Variants in GPD1L observed in about 807,000 individuals in gnomAD.
GPD1L encodes the protein glycerol-3-phosphate dehydrogenase 1 like.
A neutral mutation model predicts 32.9 loss-of-function variants in GPD1L; 17 were observed. The observed-to-expected ratio is 0.52, with a 90% CI of 0.35 to 0.78. GPD1L has a LOEUF of 0.78. GPD1L is among the 30% of genes least tolerant of loss of function. GPD1L has a pLI of 0.01. For synonymous variants in GPD1L, 187 were observed against 165.9 expected (o/e 1.13, Z -0.98); for missense variants, 361 against 447.8 (o/e 0.81, Z 1.75).
At chr3:32,146,409 C>T (rs1700826568) in intron 4 of GPD1L, among the ~76,000 whole-genome samples, 1 of 152,136 alleles carries the variant, frequency 6.6e-6, no homozygotes. Flanking sequence ...GATTCACATT[C>T]GGTCAGTTAA....
chr3:32,137,706 G>A (rs1169810122), intron 2 of GPD1L, among the ~76,000 whole-genome samples: 2 of 152,184 alleles, frequency 1.3e-5, no homozygotes, highest in African/African-American at 4.8e-5. Context: ...CCTGGAGTCC[G>A]CACGGCATGC....
At chr3:32,122,303 G>A (rs902301105) in intron 1 of GPD1L, among the ~76,000 whole-genome samples, 1 of 152,128 alleles carries the variant, frequency 6.6e-6, no homozygotes, top group Non-Finnish European at 1.5e-5. Context: ...CTCAGATCTG[G>A]GTTTGAATTG....
rs11707908 is a variant in GPD1L at position 32,167,382 on chromosome 3, C to T, written c.*1472C>T. 11,580 of 152,502 alleles carry T rather than the reference C, an allele frequency of 0.076. 759 individuals are homozygous for T. Among genetic ancestry groups the T allele is most frequent in the East Asian group, 0.35 (1,807 of 5,138 alleles). The allele number at this position is 152,502 out of a possible 1,614,324, so 9.4% of individuals were successfully genotyped here. The stretch of plus-strand genomic sequence containing the variant: ...GAACACTGTTCTAGGCTTAGGTGAC[C>T]TTAGGATCACTCAAGTAGACCCTTC... On this transcript the variant is annotated 3_prime_UTR_variant, in exon 8 of 8. Coordinates refer to ENST00000282541, the MANE Select transcript of GPD1L (RefSeq NM_015141.4).
chr3:32,115,459 CA>C (rs1700315189), intron 1 of GPD1L, among the ~76,000 whole-genome samples: 1 of 152,248 alleles, frequency 6.6e-6, no homozygotes, highest in Non-Finnish European at 1.5e-5. Context: ...CTCTCATTAT[CA>C]TTACAGCCAG....
chr3:32,128,280 T>C, intron 2 of GPD1L, 27 bp downstream of exon 2: 8 of 1,577,884 alleles, frequency 5.1e-6, no homozygotes, highest in Non-Finnish European at 7.0e-6. Context: ...AAATGTACAT[T>C]GGTTCATTCT....
intron 1 of GPD1L, among the ~76,000 whole-genome samples, chr3:32,114,561 A>G (rs1312948674): frequency 2.6e-5 from 4 of 152,206 alleles, no homozygotes; most frequent in Non-Finnish European, 5.9e-5. Context: ...TTCTCCTTAT[A>G]TTTATTTTGT....
At chr3:32,139,093 A>G (rs1031510591) in intron 3 of GPD1L, among the ~76,000 whole-genome samples, 3 of 152,214 alleles carry the variant, frequency 2.0e-5, no homozygotes, top group Non-Finnish European at 4.4e-5. Context: ...GTTTTTAACC[A>G]GAACTCCATG....
chr3:32,119,799 C>T (rs938608035), intron 1 of GPD1L, among the ~76,000 whole-genome samples: 11 of 152,044 alleles, frequency 7.2e-5, no homozygotes, highest in Non-Finnish European at 5.9e-5. Flanking sequence ...GGAACCAGCC[C>T]GGGTCAGCTC....
At chr3:32,141,352 A>G (rs1390975343) in intron 4 of GPD1L, among the ~76,000 whole-genome samples, 7 of 152,322 alleles carry the variant, frequency 4.6e-5, no homozygotes, top group African/African-American at 1.2e-4. Flanking sequence ...AAAGAAAGCC[A>G]TTTTAAATTT....
chr3:32,151,332 C>A (rs901992572), intron 5 of GPD1L: 11 of 668,658 alleles, frequency 1.6e-5, no homozygotes, highest in African/African-American at 1.6e-4. Flanking sequence ...TTGTTTACCA[C>A]AATGCCAGCA....
At chr3:32,159,139 C>T (rs749153129) in intron 6 of GPD1L, 30 bp downstream of exon 6, 72 of 1,532,364 alleles carry the variant, frequency 4.7e-5, no homozygotes, top group Admixed American at 2.0e-4. Flanking sequence ...CCCGCACCCC[C>T]TCCTTCCTCA....
intron 7 of GPD1L, among the ~76,000 whole-genome samples, chr3:32,160,607 T>G (rs1320689856): frequency 7.2e-6 from 1 of 138,486 alleles, no homozygotes; most frequent in African/African-American, 2.8e-5. Context: ...AATGGATGGG[T>G]GCATGGATAG....
At chr3:32,146,349 G>A (rs929945504) in intron 4 of GPD1L, among the ~76,000 whole-genome samples, 22 of 152,086 alleles carry the variant, frequency 1.4e-4, no homozygotes, top group African/African-American at 5.3e-4. Flanking sequence ...GCCTCCCAAA[G>A]TGCTGGGATT....
chr3:32,110,359 T>C (rs1481027887), intron 1 of GPD1L, among the ~76,000 whole-genome samples: 1 of 152,220 alleles, frequency 6.6e-6, no homozygotes, highest in Non-Finnish European at 1.5e-5. Context: ...TTAATACAGA[T>C]CACCAAGAGA....
chr3:32,157,700 A>G (rs901831383), intron 5 of GPD1L, among the ~76,000 whole-genome samples: 1 of 152,360 alleles, frequency 6.6e-6, no homozygotes, highest in African/African-American at 2.4e-5. Context: ...CATCAGGGCC[A>G]GACAGAAGAG....
Position 32,165,830 on chromosome 3 carries a change from G to T in GPD1L, c.976G>T (p.Ala326Ser), listed in dbSNP as rs1064797007. 6.3e-7 allele frequency: 1 copy of T among 1,597,410 alleles called. No homozygotes were observed. Among genetic ancestry groups the T allele is most frequent in the Non-Finnish European group, 8.6e-7 (1 of 1,164,764 alleles). Residue 326 changes from alanine to serine, a missense_variant, in exon 8 of 8, where the codon GCA (alanine) becomes TCA (serine). Ala to Ser is a moderately conservative substitution (Grantham distance 99). Coordinates refer to ENST00000282541, the MANE Select transcript of GPD1L (RefSeq NM_015141.4). Reference protein sequence around the residue: ...GLLDKFPLFTAVYQICYESRP... With the variant: ...GLLDKFPLFTSVYQICYESRP... ...CCCAACTAGGTTTCCATTGTTTACT[G>T]CAGTGTATCAGATCTGCTACGAAAG...
At chr3:32,158,746 G>C (rs1422965904) in intron 5 of GPD1L, 130 bp from the exon 6 acceptor site, 5 of 1,533,266 alleles carry the variant, frequency 3.3e-6, no homozygotes, top group Admixed American at 2.0e-5. Context: ...GCAGAGCCCG[G>C]CATTGAGTAT....
At chr3:32,165,370 C>T (rs1216005028) in intron 7 of GPD1L, among the ~76,000 whole-genome samples, 1 of 63,532 alleles carries the variant, frequency 1.6e-5, no homozygotes, top group African/African-American at 9.7e-5. Context: ...CTTGCGGGAG[C>T]ATTCCAGCCT....
chr3:32,119,872 C>A (rs561105339), intron 1 of GPD1L, among the ~76,000 whole-genome samples: 1 of 152,142 alleles, frequency 6.6e-6, no homozygotes. Context: ...CCTGGACCTC[C>A]GCTTCCTCCA....
Sources: allele counts gnomAD v4.1 joint callset (sites outside exome capture counted in the v4.1 genomes callset), GRCh38; gene constraint gnomAD v4.1.1; transcripts MANE v1.5; gene names NCBI Gene and HGNC (gene_info 2026-07-23, HGNC 2026-07-21).